MDN1: variants seen among roughly 807,000 people sequenced by gnomAD.
The protein encoded by MDN1 is midasin AAA ATPase 1.
MDN1 carries 266 observed loss-of-function variants against 669.2 expected under a neutral mutation model. That is an observed-to-expected ratio of 0.40 (90% CI 0.36 to 0.44). The LOEUF is 0.44. Ranked by LOEUF, MDN1 falls within the 20% of genes least tolerant of loss-of-function variation. The pLI is 1.00. For missense variants in MDN1, 5,940 were observed against 6,754.0 expected (o/e 0.88, Z 4.22); for synonymous variants, 2,385 against 2,457.1 (o/e 0.97, Z 0.87).
chr6:89,803,584 C>CTTT (rs71027903), intron 1 of MDN1, 30 bp from the exon 2 acceptor site: 464 of 1,286,114 alleles, frequency 3.6e-4, no homozygotes, highest in Non-Finnish European at 4.5e-4. Flanking sequence ...ACATCTTTCA[C>CTTT]TTTTTTTTTT....
chr6:89,714,189 C>T (rs1814165848), intron 46 of MDN1, among the ~76,000 whole-genome samples: 2 of 152,100 alleles, frequency 1.3e-5, no homozygotes, highest in African/African-American at 2.4e-5. Flanking sequence ...CTGCTTTAAA[C>T]AACTCAAAGT....
At chr6:89,769,725 CT>C (rs1202296003) in intron 15 of MDN1, among the ~76,000 whole-genome samples, 1 of 152,218 alleles carries the variant, frequency 6.6e-6, no homozygotes, top group Non-Finnish European at 1.5e-5. Context: ...GTTAATCATA[CT>C]TTGAGTCCAA....
intron 54 of MDN1, 96 bp from the exon 55 acceptor site, chr6:89,701,774 A>C (rs1342239048): frequency 2.0e-5 from 30 of 1,523,748 alleles, no homozygotes; most frequent in Admixed American, 4.4e-5. Flanking sequence ...TCTTTCTTTT[A>C]ATTGTACATT....
chr6:89,742,035 A>G (rs1457689539), intron 31 of MDN1, among the ~76,000 whole-genome samples: 1 of 152,160 alleles, frequency 6.6e-6, no homozygotes, highest in African/African-American at 2.4e-5. Context: ...CAGGAGGCAG[A>G]GGTTGCAGTG....
chr6:89,816,920 C>T (rs928232587), intron 1 of MDN1, among the ~76,000 whole-genome samples: 7 of 151,632 alleles, frequency 4.6e-5, no homozygotes, highest in South Asian at 2.1e-4. Flanking sequence ...GTGATCCACC[C>T]GCCTCAGCCT....
At position 89,692,559 on chromosome 6, in the gene MDN1, C is replaced by T. The variant is rs1812441827; in HGVS notation, c.10471G>A (p.Ala3491Thr). The change falls in exon 63 of 102, where the codon GCC becomes ACC. Residue 3491 changes from alanine (A) to threonine (T), a missense_variant. Physicochemically the swap from Ala to Thr is moderately conservative, Grantham distance 58 (BLOSUM62 0). Coordinates refer to ENST00000369393, the MANE Select transcript of MDN1 (RefSeq NM_014611.3). The stretch of plus-strand genomic sequence containing the variant: ...AGCAGCTGCTCCCGAGTGGGACAGG[C>T]TTTCTGGCCCTTGCCTTCCAGCTCC... Reference protein sequence around the residue: ...GKELEGKGQKACPTREQLLMN... With the variant: ...GKELEGKGQKTCPTREQLLMN... 1 of 1,614,252 alleles carries T rather than the reference C, an allele frequency of 6.2e-7. No individual in the cohort carries two copies.
chr6:89,690,551 C>T (rs1812314277), intron 64 of MDN1, 122 bp downstream of exon 64: 2 of 1,255,442 alleles, frequency 1.6e-6, no homozygotes, highest in East Asian at 4.9e-5. Context: ...GAGCAAGACC[C>T]AGTCTCTAAA....
Position 89,653,006 on chromosome 6 carries a change from C to T in MDN1, c.15811G>A (p.Asp5271Asn), listed in dbSNP as rs947039732. 5.0e-6 allele frequency: 8 copies of T among 1,613,724 alleles called. No homozygotes were observed. The highest frequency in any genetic ancestry group is 6.8e-6 in the Non-Finnish European group (8 of 1,179,930). ...TIHTAHQFLM[D>N]TIFQPFLKDV... is the part of the protein sequence containing the mutation. ...AGTTTTACTACCTGGAAGATCGTGT[C>T]CATGAGGAATTGATGAGCTGTATGA... The change falls in exon 94 of 102, where the codon GAC becomes AAC. Residue 5271 changes from aspartate (D) to asparagine (N), a missense_variant. Asp to Asn is a conservative substitution (Grantham distance 23). Coordinates refer to ENST00000369393, the MANE Select transcript of MDN1 (RefSeq NM_014611.3).
In MDN1 at chr6:89,672,714, C is replaced by T; in HGVS notation, c.13475-12G>A. 1 of 1,612,446 alleles carries T rather than the reference C, an allele frequency of 6.2e-7. No homozygotes were observed. Among genetic ancestry groups the T allele is most frequent in the Non-Finnish European group, 8.5e-7 (1 of 1,179,490 alleles). ...CAACATTTGATTTCCTAGCAGGTAA[C>T]ATGGTGCAAAACAAACATACAAACA... On this transcript the variant is annotated splice_polypyrimidine_tract_variant and intron_variant, in intron 80 of 101. Transcript: ENST00000369393.
intron 2 of MDN1, chr6:89,797,764 G>A (rs1008909170): frequency 8.7e-6 from 3 of 343,368 alleles, no homozygotes; most frequent in Admixed American, 3.7e-5. Context: ...TCAATACCAG[G>A]TCTAAGGCCT....
chr6:89,699,790 G>T, intron 57 of MDN1, 63 bp from the exon 58 acceptor site: 1 of 1,531,688 alleles, frequency 6.5e-7, no homozygotes. Flanking sequence ...CTGGAAAGCT[G>T]CTACATTAGG....
intron 64 of MDN1, 30 bp downstream of exon 64, chr6:89,690,643 C>A: frequency 1.2e-6 from 2 of 1,612,648 alleles, no homozygotes; most frequent in Non-Finnish European, 1.7e-6. Context: ...GGAATTCATT[C>A]CAAAACACAC....
chr6:89,819,630 C>A lies in MDN1; in HGVS notation c.-23G>T, dbSNP rs1257743267. The A allele has an allele frequency of 1.9e-6, 3 of 1,587,102 alleles. No homozygotes were observed. On this transcript the variant is annotated 5_prime_UTR_variant, in exon 1 of 102. Transcript: ENST00000369393. ...CATGACCCAGGGCCCTCACCCCGAG[C>A]GGCCACCTGCGCTCCCTACTTCGCG...
Position 89,702,065 on chromosome 6 carries a change from A to G in MDN1, c.8149-4T>C, listed in dbSNP as rs1813196679. 6.3e-7 allele frequency: 1 copy of G among 1,584,926 alleles called. No homozygotes were observed. Among genetic ancestry groups the G allele is most frequent in the Non-Finnish European group, 8.5e-7 (1 of 1,170,038 alleles). On this transcript the variant is annotated splice_polypyrimidine_tract_variant and splice_region_variant and intron_variant, in intron 53 of 101. Transcript: ENST00000369393. ...GCCACCGCAGAGAACCTAAGATCTA[A>G]AAACAAAGTCTCTTAGATAAGATGG...
chr6:89,693,088 C>G lies in MDN1; in HGVS notation c.9942G>C (p.Gln3314His), dbSNP rs755280518. The change falls in exon 63 of 102, where the codon CAG becomes CAC. Residue 3314 changes from glutamine (Q) to histidine (H), a missense_variant. Physicochemically the swap from Gln to His is conservative, Grantham distance 24 (BLOSUM62 0). Around this residue, in one of 5 missense-constraint regions of MDN1, gnomAD observed 150 missense variants for 234.2 expected, o/e 0.64. Coordinates refer to ENST00000369393, the MANE Select transcript of MDN1 (RefSeq NM_014611.3). ...AGGCAGGCAGCTGGGGTCTAAAGGC[C>G]TGTTTCTTCAACAGGTGACAGGTTA... ...DNLTCHLLKK[Q>H]AFRPQLPAYE... is the part of the protein sequence containing the mutation. 2.2e-5 allele frequency: 35 copies of G among 1,613,242 alleles called. No individual in the cohort carries two copies. The East Asian group carries it at 7.6e-4, about 35-fold the overall frequency.
At chr6:89,682,505 G>A (rs1276607230) in intron 73 of MDN1, among the ~76,000 whole-genome samples, 2 of 151,916 alleles carry the variant, frequency 1.3e-5, no homozygotes, top group Non-Finnish European at 1.5e-5. Context: ...TCAGGAGATC[G>A]AGACCATCCT....
In MDN1 at chr6:89,725,480, A is replaced by G; in HGVS notation, c.5473-84T>C. ...AGCAGGGGAATAATATGCAGCAAAT[A>G]AAGCTAGAGTTATCTTCAGAAAGGG... On this transcript the variant is annotated intron_variant, in intron 37 of 101. Coordinates refer to ENST00000369393, the MANE Select transcript of MDN1 (RefSeq NM_014611.3). 2.6e-6 allele frequency: 3 copies of G among 1,141,936 alleles called. No homozygotes were observed. The Admixed American group carries it at 6.0e-5, about 23-fold the overall frequency. 70.7% of individuals were successfully genotyped at this position (1,141,936 alleles called of 1,614,324 possible).
At chr6:89,772,441 C>A in intron 14 of MDN1, 132 bp downstream of exon 14, 2 of 922,564 alleles carry the variant, frequency 2.2e-6, no homozygotes, top group South Asian at 2.1e-5. Context: ...TAGTTATTTC[C>A]AGGCAGAGAT....
intron 97 of MDN1, among the ~76,000 whole-genome samples, chr6:89,648,899 G>A (rs963426608): frequency 1.4e-4 from 21 of 150,490 alleles, no homozygotes; most frequent in African/African-American, 5.1e-4. Context: ...TGGGAGGACT[G>A]TACTGCTTAA....
Sources: gnomAD v4.1 joint callset for allele counts (sites outside exome capture counted in the v4.1 genomes callset) on GRCh38, gnomAD v4.1.1 for gene constraint, gnomAD v4.1.1 regional missense constraint, MANE v1.5 for transcripts, NCBI Gene and HGNC (gene_info 2026-07-23, HGNC 2026-07-21) for gene names.